USP44: variants seen among roughly 807,000 people sequenced by gnomAD.
The protein encoded by USP44 is ubiquitin specific peptidase 44, also known as ubiquitin carboxyl-terminal hydrolase 44.
Under a neutral mutation model 69.0 loss-of-function variants are expected in USP44, and 61 were observed. The observed-to-expected ratio is 0.88, with a 90% CI of 0.72 to 1.09. The LOEUF (loss-of-function observed/expected upper bound fraction) is 1.09, where lower values mean the gene tolerates loss of function less well. Ranked by LOEUF, USP44 falls within the 50% of genes least tolerant of loss-of-function variation. The probability of loss-of-function intolerance (pLI) is 0.00; values close to 1 mark genes in which losing one functional copy is unlikely to be tolerated. For missense variants in USP44, 753 were observed against 849.9 expected, an observed-to-expected ratio of 0.89 and a Z score of 1.42; for synonymous variants, 297 against 295.4, an observed-to-expected ratio of 1.01 and a Z score of -0.06.
rs114339773 is a variant in USP44 at position 95,550,255 on chromosome 12, G to T, written c.-71+1017C>A. The stretch of plus-strand genomic sequence containing the variant: ...ATGTTAACAAAATAGATACAAAATA[G>T]CAACAATGTCTAATCAATTCATGTT... On this transcript the variant is annotated intron_variant, in intron 1 of 5. Transcript: ENST00000258499. Among the ~76,000 whole-genome samples the T allele has an allele frequency of 6.9e-3, 1,013 of 147,804 alleles. 8 individuals carry two copies. The highest frequency in any genetic ancestry group is 0.023 in the African/African-American group (945 of 40,248).
At position 95,532,912 on chromosome 12, in the gene USP44, G is replaced by A; in HGVS notation, c.1345C>T (p.Leu449Phe). 2 of 1,614,018 alleles carry A rather than the reference G, an allele frequency of 1.2e-6. No individual in the cohort carries two copies. Among genetic ancestry groups the A allele is most frequent in the Non-Finnish European group, 1.7e-6 (2 of 1,179,980 alleles). The change falls in exon 2 of 6, where the codon CTT becomes TTT. Residue 449 changes from leucine to phenylalanine, a missense_variant. Leu to Phe is a conservative substitution (Grantham distance 22). Coordinates refer to ENST00000258499, the MANE Select transcript of USP44 (RefSeq NM_032147.5). ...LETTGTSLPALIPTSQRKLIK... is the reference protein window; with the variant it reads ...LETTGTSLPAFIPTSQRKLIK... Reference sequence around the variant, plus strand: ...AGTTTCCTTTGAGAAGTGGGGATAAGAGCTGGTAAACTGGTACCAGTTGTC... The same window carrying A: ...AGTTTCCTTTGAGAAGTGGGGATAAAAGCTGGTAAACTGGTACCAGTTGTC...
intron 1 of USP44, 30 bp from the exon 2 acceptor site, chr12:95,534,356 C>T (rs1239915193): frequency 1.8e-6 from 2 of 1,130,234 alleles, no homozygotes; most frequent in African/African-American, 3.1e-5. Flanking sequence ...GTGTTAATAA[C>T]AAGATGCTAA....
chr12:95,526,632 A>G (rs75304228), intron 3 of USP44, among the ~76,000 whole-genome samples: 4,303 of 152,236 alleles, frequency 0.028, 197 homozygotes, highest in African/African-American at 0.098. Context: ...CACATTAGAC[A>G]GCACTTATAC....
At chr12:95,540,677 G>A (rs1251363874) in intron 1 of USP44, among the ~76,000 whole-genome samples, 1 of 151,904 alleles carries the variant, frequency 6.6e-6, no homozygotes, top group Non-Finnish European at 1.5e-5. Flanking sequence ...GTATACTTAG[G>A]GTTATTGTTC....
intron 1 of USP44, among the ~76,000 whole-genome samples, chr12:95,542,371 G>T (rs563725794): frequency 6.6e-6 from 1 of 152,156 alleles, no homozygotes; most frequent in African/African-American, 2.4e-5. Flanking sequence ...GCTTTATGAA[G>T]ATTGTATAGA....
chr12:95,534,066 C>T lies in USP44; in HGVS notation c.191G>A (p.Ser64Asn). The T allele has an allele frequency of 6.2e-7, 1 of 1,614,190 alleles. No individual in the cohort carries two copies. The highest frequency in any genetic ancestry group is 8.5e-7 in the Non-Finnish European group (1 of 1,180,036). Residue 64 changes from serine to asparagine, a missense_variant, in exon 2 of 6, where the codon AGC becomes AAC. Transcript: ENST00000258499. ...CACCTCCAATGCAACAGGATGACTG[C>T]TTTCTTGAAAGTGCTTGAGTGCATG... The part of the protein sequence containing the change: ...EEHALKHFQE[S>N]SHPVALEVNE...
chr12:95,517,198 A>C lies in USP44; in HGVS notation c.*956T>G, dbSNP rs1163875146. The C allele has an allele frequency of 1.3e-5, 2 of 152,070 alleles. No homozygotes were observed. The highest frequency in any genetic ancestry group is 3.9e-4 in the East Asian group (2 of 5,176). 9.4% of individuals were successfully genotyped at this position (152,070 alleles called of 1,614,324 possible). On this transcript the variant is annotated 3_prime_UTR_variant, in exon 6 of 6. Transcript: ENST00000258499. Reference sequence around the variant, plus strand: ...AGTAAATCAAGCTTTAGTTATTTAGAATGAGATGCTAGACATAATAATAGT... The same window carrying C: ...AGTAAATCAAGCTTTAGTTATTTAGCATGAGATGCTAGACATAATAATAGT...
intron 1 of USP44, among the ~76,000 whole-genome samples, chr12:95,538,410 T>C (rs1205667913): frequency 6.6e-6 from 1 of 152,058 alleles, no homozygotes; most frequent in Non-Finnish European, 1.5e-5. Flanking sequence ...TTCCTTCTAG[T>C]TGATCACTTT....
In USP44 at chr12:95,533,251, C is replaced by T. The variant is rs1438263041; in HGVS notation, c.1006G>A (p.Glu336Lys). ...VTDTVVYQMN[E>K]CQEKDTGFVC... ...AAACCTGTATCTTTTTCCTGACATT[C>T]ATTCATTTGATATACTACTGTATCT... Residue 336 changes from glutamate (E) to lysine (K), a missense_variant, in exon 2 of 6, where the codon GAA (glutamate) becomes AAA (lysine). Transcript: ENST00000258499. The T allele has an allele frequency of 6.2e-7, 1 of 1,614,106 alleles. No individual in the cohort carries two copies. Among genetic ancestry groups the T allele is most frequent in the South Asian group, 1.1e-5 (1 of 91,078 alleles).
At chr12:95,541,532 A>T (rs140403688) in intron 1 of USP44, among the ~76,000 whole-genome samples, 3 of 152,244 alleles carry the variant, frequency 2.0e-5, no homozygotes, top group African/African-American at 7.2e-5. Flanking sequence ...GCGAGCCATG[A>T]TGGTGCCACT....
intron 1 of USP44, among the ~76,000 whole-genome samples, chr12:95,543,425 A>AG (rs1451537558): frequency 1.3e-4 from 19 of 150,278 alleles, no homozygotes; most frequent in African/African-American, 4.4e-4. Flanking sequence ...AAAAAAAAAA[A>AG]AAAGAAAAAG....
rs753330813 is a variant in USP44 at position 95,533,632 on chromosome 12, G to T, written c.625C>A (p.Pro209Thr). 1 of 1,613,754 alleles carries T rather than the reference G, an allele frequency of 6.2e-7. No individual in the cohort carries two copies. Among genetic ancestry groups the T allele is most frequent in the Admixed American group, 1.7e-5 (1 of 60,016 alleles). Residue 209 changes from proline to threonine, a missense_variant, in exon 2 of 6, where the codon CCT becomes ACT. By Grantham distance (38) the Pro-to-Thr change is conservative (BLOSUM62 -1). Coordinates refer to ENST00000258499, the MANE Select transcript of USP44 (RefSeq NM_032147.5). ...TGTAAACGTAAACTCTTTCTTGGAG[G>T]CATACTTTCCAATTCTGCTTTAACT... ...YQVKAELESM[P>T]PRKSLRLQGL...
chr12:95,549,989 G>A (rs1291423174), intron 1 of USP44, among the ~76,000 whole-genome samples: 1 of 152,082 alleles, frequency 6.6e-6, no homozygotes, highest in African/African-American at 2.4e-5. Context: ...GAGCAGCCTG[G>A]CCAACATAGT....
At chr12:95,544,070 T>TTC (rs1297709047) in intron 1 of USP44, among the ~76,000 whole-genome samples, 2 of 123,058 alleles carry the variant, frequency 1.6e-5, no homozygotes, top group African/African-American at 6.3e-5. Flanking sequence ...TTTTTTTTTT[T>TTC]CTGAGATGGA....
At chr12:95,528,459 CA>C (rs1367721212) in intron 3 of USP44, among the ~76,000 whole-genome samples, 1 of 152,042 alleles carries the variant, frequency 6.6e-6, no homozygotes, top group Non-Finnish European at 1.5e-5. Flanking sequence ...GATATGTAGC[CA>C]AAAAAGCTCA....
In USP44 at chr12:95,533,255, C is replaced by G; in HGVS notation, c.1002G>C (p.Met334Ile). Reference sequence around the variant, plus strand: ...CTGTATCTTTTTCCTGACATTCATTCATTTGATATACTACTGTATCTGTGA... The same window carrying G: ...CTGTATCTTTTTCCTGACATTCATTGATTTGATATACTACTGTATCTGTGA... ...PPVTDTVVYQ[M>I]NECQEKDTGF... is the part of the protein sequence containing the mutation. The change falls in exon 2 of 6, where the codon ATG (methionine) becomes ATC (isoleucine). Residue 334 changes from methionine to isoleucine, a missense_variant. By Grantham distance (10) the Met-to-Ile change is conservative (BLOSUM62 1). Transcript: ENST00000258499. The G allele has an allele frequency of 6.2e-7, 1 of 1,614,174 alleles. No individual in the cohort carries two copies. Among genetic ancestry groups the G allele is most frequent in the Non-Finnish European group, 8.5e-7 (1 of 1,180,030 alleles).
At chr12:95,526,378 C>T (rs1273110737) in intron 3 of USP44, among the ~76,000 whole-genome samples, 1 of 152,222 alleles carries the variant, frequency 6.6e-6, no homozygotes, top group African/African-American at 2.4e-5. Flanking sequence ...CGAGACCATC[C>T]TGGCTAACAC....
At chr12:95,544,474 G>T (rs572902000) in intron 1 of USP44, among the ~76,000 whole-genome samples, 41 of 152,264 alleles carry the variant, frequency 2.7e-4, no homozygotes, top group African/African-American at 8.7e-4. Flanking sequence ...AGCCCTGGAG[G>T]TTCTTACAAG....
At chr12:95,528,248 C>A (rs1214206005) in intron 3 of USP44, among the ~76,000 whole-genome samples, 1 of 152,208 alleles carries the variant, frequency 6.6e-6, no homozygotes, top group Non-Finnish European at 1.5e-5. Flanking sequence ...TCTGCTTCCT[C>A]CATTAGGAAT....
Sources: allele counts gnomAD v4.1 joint callset (sites outside exome capture counted in the v4.1 genomes callset), GRCh38; gene constraint gnomAD v4.1.1; transcripts MANE v1.5; gene names NCBI Gene and HGNC (gene_info 2026-07-23, HGNC 2026-07-21).